Variants in NAA25 observed in about 807,000 individuals in gnomAD.
NAA25 encodes the protein N-alpha-acetyltransferase 25, NatB auxiliary subunit, also known as N-terminal acetyltransferase B complex subunit NAA25.
Under a neutral mutation model 132.5 loss-of-function variants are expected in NAA25, and 30 were observed. The observed-to-expected ratio is 0.23, with a 90% CI of 0.17 to 0.31. The LOEUF (loss-of-function observed/expected upper bound fraction) is 0.31, where lower values mean the gene tolerates loss of function less well. NAA25 is among the 10% of genes least tolerant of loss of function. The pLI is 1.00. For synonymous variants in NAA25, 359 were observed against 401.9 expected, an observed-to-expected ratio of 0.89 and a Z score of 1.28; for missense variants, 771 against 1,150.4, an observed-to-expected ratio of 0.67 and a Z score of 4.77.
chr12:112,061,320 A>G lies in NAA25; in HGVS notation c.1218T>C (p.Ala406=). 1 of 1,614,190 alleles carries G rather than the reference A, an allele frequency of 6.2e-7. No individual in the cohort carries two copies. The highest frequency in any genetic ancestry group is 8.5e-7 in the Non-Finnish European group (1 of 1,180,024). The part of the protein sequence containing the change: ...TPTEDKLALP[A]DIRALQQHLC... ...AATGTTGCTGCAGAGCTCTGATGTC[A>G]GCAGGCAGTGCCAGCTTATCCTCTG... The change falls in exon 12 of 24, where the codon GCT becomes GCC. Residue 406 remains alanine, a synonymous_variant. Coordinates refer to ENST00000261745, the MANE Select transcript of NAA25 (RefSeq NM_024953.4).
At chr12:112,104,489 C>T (rs779053765) in intron 1 of NAA25, among the ~76,000 whole-genome samples, 54 of 152,130 alleles carry the variant, frequency 3.5e-4, no homozygotes, top group Non-Finnish European at 5.1e-4. Context: ...TATTTATTAT[C>T]TCCCTCCATC....
intron 2 of NAA25, among the ~76,000 whole-genome samples, chr12:112,092,193 A>G (rs2079141467): frequency 6.6e-6 from 1 of 151,804 alleles, no homozygotes; most frequent in Admixed American, 6.6e-5. Flanking sequence ...GTGAGCCAAT[A>G]TCGTGCCACT....
intron 4 of NAA25, among the ~76,000 whole-genome samples, chr12:112,086,073 T>TATACACACACACACACACAC (rs759148501): frequency 1.9e-5 from 1 of 53,988 alleles, no homozygotes; most frequent in Admixed American, 3.0e-4. Flanking sequence ...TATATATATA[T>TATACACACACACACACACAC]ACACACACAC....
At chr12:112,040,324 T>C (rs1223059329) in intron 21 of NAA25, 157 bp downstream of exon 21, 2 of 508,910 alleles carry the variant, frequency 3.9e-6, no homozygotes. Flanking sequence ...AAGAAATTGG[T>C]TTAGAAAATG....
At position 112,043,717 on chromosome 12, in the gene NAA25, C is replaced by A. The variant is rs199640099; in HGVS notation, c.2158G>T (p.Val720Leu). The A allele has an allele frequency of 1.9e-6, 3 of 1,614,064 alleles. No homozygotes were observed. Among genetic ancestry groups the A allele is most frequent in the Non-Finnish European group, 2.5e-6 (3 of 1,180,038 alleles). ...CGAAGAATATCAATCCGGGAGGATACCCCATTCTCGGCAGTCTTCTCCGAG... is the reference window on the plus strand; with the variant it reads ...CGAAGAATATCAATCCGGGAGGATAACCCATTCTCGGCAGTCTTCTCCGAG... The part of the protein sequence containing the change: ...KNSEKTAENG[V>L]SSRIDILRLL... Residue 720 changes from valine to leucine, a missense_variant, in exon 18 of 24, where the codon GTA becomes TTA. By Grantham distance (32) the Val-to-Leu change is conservative (BLOSUM62 1). Around this residue, in one of 3 missense-constraint regions of NAA25, gnomAD observed 324 missense variants for 400.0 expected, o/e 0.81. Transcript: ENST00000261745.
intron 23 of NAA25, among the ~76,000 whole-genome samples, chr12:112,032,346 C>T (rs569874442): frequency 9.2e-5 from 14 of 152,268 alleles, no homozygotes; most frequent in African/African-American, 3.1e-4. Context: ...TGTTCAAAGT[C>T]TAACGTTTTT....
At chr12:112,103,752 A>C (rs1001320264) in intron 1 of NAA25, among the ~76,000 whole-genome samples, 2 of 152,188 alleles carry the variant, frequency 1.3e-5, no homozygotes, top group Admixed American at 6.5e-5. Flanking sequence ...GATTTCATGA[A>C]AGACAATTTT....
chr12:112,078,767 T>C (rs1241224941), intron 5 of NAA25, 26 bp from the exon 6 acceptor site: 2 of 1,566,452 alleles, frequency 1.3e-6, no homozygotes, highest in East Asian at 2.2e-5. Context: ...TAATGTTTCA[T>C]TCTAATTCTC....
At chr12:112,048,969 T>C (rs1298625807) in intron 15 of NAA25, among the ~76,000 whole-genome samples, 1 of 151,244 alleles carries the variant, frequency 6.6e-6, no homozygotes, top group Non-Finnish European at 1.5e-5. Flanking sequence ...ACAGGGCATA[T>C]GAGCATTACG....
At chr12:112,089,554 G>T (rs1165398745) in intron 3 of NAA25, among the ~76,000 whole-genome samples, 3 of 152,124 alleles carry the variant, frequency 2.0e-5, no homozygotes, top group Non-Finnish European at 4.4e-5. Context: ...ACATAGTACA[G>T]ATGCACTAAC....
chr12:112,041,787 A>G (rs1366898713), intron 20 of NAA25, among the ~76,000 whole-genome samples: 1 of 152,220 alleles, frequency 6.6e-6, no homozygotes, highest in Non-Finnish European at 1.5e-5. Context: ...ATGGAAAGGT[A>G]TCCAAAATAA....
chr12:112,032,813 C>T (rs150869624), intron 23 of NAA25, among the ~76,000 whole-genome samples: 1 of 152,246 alleles, frequency 6.6e-6, no homozygotes, highest in African/African-American at 2.4e-5. Context: ...TTGCTCTAGC[C>T]TAATTATTAC....
At chr12:112,087,657 C>G in intron 4 of NAA25, 26 bp downstream of exon 4, 1 of 1,505,832 alleles carries the variant, frequency 6.6e-7, no homozygotes, top group Non-Finnish European at 9.2e-7. Context: ...AATCCCATAG[C>G]CCAGTAGGTT....
At chr12:112,043,246 A>G (rs759260957) in intron 18 of NAA25, 35 bp from the exon 19 acceptor site, 2 of 1,555,230 alleles carry the variant, frequency 1.3e-6, no homozygotes, top group African/African-American at 1.4e-5. Flanking sequence ...GCTCTTTTAA[A>G]TCCATCTAAA....
intron 11 of NAA25, among the ~76,000 whole-genome samples, chr12:112,062,688 T>C (rs2078652996): frequency 1.3e-5 from 2 of 151,388 alleles, no homozygotes; most frequent in Admixed American, 1.3e-4. Context: ...ATCGCACCAC[T>C]GTACTCCAGC....
intron 17 of NAA25, among the ~76,000 whole-genome samples, chr12:112,047,141 T>C (rs1209057629): frequency 1.3e-5 from 2 of 152,220 alleles, no homozygotes; most frequent in East Asian, 1.9e-4. Context: ...GGCTTACCTA[T>C]ATTTTCTGAT....
chr12:112,075,896 T>C, intron 7 of NAA25, 107 bp from the exon 8 acceptor site: 1 of 915,708 alleles, frequency 1.1e-6, no homozygotes, highest in Non-Finnish European at 1.6e-6. Context: ...TTTTCTTTTT[T>C]TTTGAGATGG....
In NAA25 at chr12:112,040,592, A is replaced by T. The variant is rs1217732623; in HGVS notation, c.2441-14T>A. ...TACTGAAGACATCTGAAAACAAAAA[A>T]CATTTTAGTTTTATTCAGCTTTTGT... is the stretch of plus-strand genomic sequence containing the variant. On this transcript the variant is annotated splice_polypyrimidine_tract_variant and intron_variant, in intron 20 of 23. Coordinates refer to ENST00000261745, the MANE Select transcript of NAA25 (RefSeq NM_024953.4). The T allele has an allele frequency of 4.9e-6, 7 of 1,440,842 alleles. No homozygotes were observed. The African/African-American group carries it at 8.5e-5, about 18-fold the overall frequency. 89.3% of individuals were successfully genotyped at this position (1,440,842 alleles called of 1,614,324 possible).
intron 15 of NAA25, among the ~76,000 whole-genome samples, chr12:112,053,144 G>A (rs1387380935): frequency 6.6e-6 from 1 of 152,200 alleles, no homozygotes; most frequent in Non-Finnish European, 1.5e-5. Flanking sequence ...CTTTGGCAAA[G>A]AGCACAATGG....
Sources: allele counts gnomAD v4.1 joint callset (sites outside exome capture counted in the v4.1 genomes callset), GRCh38; gene constraint gnomAD v4.1.1; regional missense constraint gnomAD v4.1.1; transcripts MANE v1.5; gene names NCBI Gene and HGNC (gene_info 2026-07-23, HGNC 2026-07-21).